Variants in ANO1 observed in about 807,000 individuals in gnomAD.
ANO1 encodes the protein anoctamin 1.
ANO1 carries 59 observed loss-of-function variants against 124.0 expected under a neutral mutation model. That is an observed-to-expected ratio of 0.48 (90% CI 0.39 to 0.59). The LOEUF is 0.59. Ranked by LOEUF, ANO1 falls within the 20% of genes least tolerant of loss-of-function variation. The probability of loss-of-function intolerance (pLI) is 0.00; values close to 1 mark genes in which losing one functional copy is unlikely to be tolerated. For missense variants in ANO1, 1,059 were observed against 1,328.0 expected (o/e 0.80, Z 3.15); for synonymous variants, 529 against 532.0 (o/e 0.99, Z 0.08).
chr11:70,037,883 A>T lies in ANO1; in HGVS notation c.59-40659A>T, dbSNP rs189422986. On this transcript the variant is annotated intron_variant, in intron 1 of 27. Transcript: ENST00000531349. ...ACTGAGGCAGGTAAGAAACTTGTCT[A>T]TGGTCACTCATCTTATTCCATGGCA... Among the ~76,000 whole-genome samples, 3 of 152,330 alleles carry T rather than the reference A, an allele frequency of 2.0e-5. No homozygotes were observed. The East Asian group carries it at 5.8e-4, about 29-fold the overall frequency.
intron 18 of ANO1, 27 bp from the exon 19 acceptor site, chr11:70,163,256 C>T (rs764102577): frequency 5.0e-6 from 8 of 1,609,984 alleles, no homozygotes; most frequent in Non-Finnish European, 6.8e-6. Flanking sequence ...CTCATCTTTT[C>T]TCTAACGACC....
chr11:70,060,731 G>T (rs1432407712), intron 1 of ANO1, among the ~76,000 whole-genome samples: 1 of 152,210 alleles, frequency 6.6e-6, no homozygotes, highest in Non-Finnish European at 1.5e-5. Flanking sequence ...AGACATAAGA[G>T]CCAGCCTAGA....
intron 1 of ANO1, among the ~76,000 whole-genome samples, chr11:70,051,112 A>G (rs1351767778): frequency 6.6e-6 from 1 of 152,184 alleles, no homozygotes; most frequent in African/African-American, 2.4e-5. Flanking sequence ...TCTGATGATT[A>G]CCACCCAGAT....
At chr11:70,069,829 G>A (rs1555009087) in intron 1 of ANO1, among the ~76,000 whole-genome samples, 2 of 152,180 alleles carry the variant, frequency 1.3e-5, no homozygotes, top group African/African-American at 2.4e-5. Flanking sequence ...AGAGCTTCTG[G>A]ATGGACACTA....
In ANO1 at chr11:70,108,422, G is replaced by A. The variant is rs749901776; in HGVS notation, c.799+18G>A. 1.2e-6 allele frequency: 2 copies of A among 1,609,968 alleles called. No individual in the cohort carries two copies. Among genetic ancestry groups the A allele is most frequent in the Admixed American group, 1.7e-5 (1 of 59,940 alleles). ...CAGCATGGGTAAGCACGTTTTTGGG[G>A]CTTGAGATCAGCATTGGTTTCCAAG... On this transcript the variant is annotated intron_variant, in intron 6 of 25. Coordinates refer to ENST00000355303, the MANE Select transcript of ANO1 (RefSeq NM_018043.7).
intron 11 of ANO1, among the ~76,000 whole-genome samples, chr11:70,148,529 C>T (rs2047467202): frequency 6.6e-6 from 1 of 152,202 alleles, no homozygotes; most frequent in Non-Finnish European, 1.5e-5. Flanking sequence ...CGGCCCTGTC[C>T]TGGAGGGGTC....
At chr11:69,975,307 A>G in the ANO1 span, among the ~76,000 whole-genome samples, 1 of 152,208 alleles carries the variant, frequency 6.6e-6, no homozygotes, top group Non-Finnish European at 1.5e-5. Flanking sequence ...GGGATCCCCC[A>G]GATGGAAGGA....
intron 2 of ANO1, among the ~76,000 whole-genome samples, chr11:70,100,313 C>T (rs1469463474): frequency 1.3e-5 from 2 of 152,160 alleles, no homozygotes; most frequent in African/African-American, 2.4e-5. Flanking sequence ...GAAGGGTCTT[C>T]GCAGAGGGAA....
intron 8 of ANO1, among the ~76,000 whole-genome samples, chr11:70,119,200 A>T (rs940985498): frequency 2.4e-5 from 3 of 127,182 alleles, no homozygotes; most frequent in Non-Finnish European, 4.8e-5. Context: ...TGATGGAAGG[A>T]TGAATGATGG....
intron 16 of ANO1, among the ~76,000 whole-genome samples, chr11:70,158,843 C>T (rs2047927515): frequency 1.5e-5 from 1 of 67,976 alleles, no homozygotes; most frequent in Non-Finnish European, 3.7e-5. Context: ...GGGACCCCCT[C>T]GGTGGGGGCT....
chr11:70,069,261 G>C (rs947287507), intron 1 of ANO1, among the ~76,000 whole-genome samples: 4 of 152,226 alleles, frequency 2.6e-5, no homozygotes. Flanking sequence ...GTTCTGCAGA[G>C]AGATCCAGAA....
intron 22 of ANO1, among the ~76,000 whole-genome samples, chr11:70,177,798 C>A (rs2048782126): frequency 1.3e-5 from 2 of 152,048 alleles, no homozygotes; most frequent in African/African-American, 2.4e-5. Context: ...GGGGCTTCGC[C>A]ATGTTGGCCA....
At chr11:69,978,231 C>G in the ANO1 span, among the ~76,000 whole-genome samples, 117 of 152,234 alleles carry the variant, frequency 7.7e-4, no homozygotes, top group Middle Eastern at 6.3e-3. Flanking sequence ...CAGGCTGCCA[C>G]CTCGGGTCCG....
rs1205455635 is a variant in ANO1, at chr11:70,171,152, GCTC to G, written c.2350+114_2350+116del. 79 of 1,399,702 alleles carry G rather than the reference GCTC, an allele frequency of 5.6e-5. 1 individual carries two copies. Among genetic ancestry groups the G allele is most frequent in the Non-Finnish European group, 2.9e-6 (3 of 1,040,548 alleles). 86.7% of individuals were successfully genotyped at this position (1,399,702 alleles called of 1,614,324 possible). A position where few individuals can be genotyped will look rare whatever the true frequency, so the allele number is the denominator to read the frequency against. ...GAGCTGGCCAGGTGTCCCTCCTGGG[GCTC>G]TTCACTCAGCCTTTGCCGGGTGGAG... On this transcript the variant is annotated intron_variant, in intron 22 of 25. Coordinates refer to ENST00000355303, the MANE Select transcript of ANO1 (RefSeq NM_018043.7).
chr11:70,008,645 C>T (rs201916794), intron 1 of ANO1, among the ~76,000 whole-genome samples: 1 of 148,138 alleles, frequency 6.8e-6, no homozygotes. Context: ...TCCTTTAGCT[C>T]TTTTTTTTTT....
intron 1 of ANO1, among the ~76,000 whole-genome samples, chr11:69,989,320 C>T (rs1856109971): frequency 6.6e-6 from 1 of 152,154 alleles, no homozygotes. Flanking sequence ...AGCTTTCACC[C>T]ACAGAGCTAT....
chr11:70,105,634 C>A, intron 4 of ANO1, 100 bp from the exon 5 acceptor site: 2 of 1,121,736 alleles, frequency 1.8e-6, no homozygotes, highest in Non-Finnish European at 2.7e-6. Context: ...ATTTCACGGT[C>A]ACGGCTAATG....
intron 1 of ANO1, among the ~76,000 whole-genome samples, chr11:70,012,749 A>G (rs928419861): frequency 1.1e-4 from 16 of 151,990 alleles, no homozygotes; most frequent in African/African-American, 3.4e-4. Context: ...TCTTTCATCT[A>G]TCTATTCGTC....
intron 8 of ANO1, among the ~76,000 whole-genome samples, chr11:70,120,899 G>A (rs2046236521): frequency 6.6e-6 from 1 of 152,146 alleles, no homozygotes; most frequent in Non-Finnish European, 1.5e-5. Context: ...CAGCCCCCAT[G>A]GCTGGACGCC....
Sources: allele counts gnomAD v4.1 joint callset (sites outside exome capture counted in the v4.1 genomes callset), GRCh38; gene constraint gnomAD v4.1.1; transcripts MANE v1.5; gene names NCBI Gene and HGNC (gene_info 2026-07-23, HGNC 2026-07-21).